MDGA2: variants seen among roughly 807,000 people sequenced by gnomAD.
MDGA2 encodes MAM domain containing glycosylphosphatidylinositol anchor 2.
Under a neutral mutation model 117.8 loss-of-function variants are expected in MDGA2, and 40 were observed. That is an observed-to-expected ratio of 0.34 (90% CI 0.26 to 0.44). The LOEUF (loss-of-function observed/expected upper bound fraction) is 0.44. Ranked by LOEUF, MDGA2 falls within the 20% of genes least tolerant of loss-of-function variation. The pLI, the probability that MDGA2 is intolerant of heterozygous loss-of-function variation, is 1.00. For missense variants in MDGA2, 1,123 were observed against 1,250.6 expected, an observed-to-expected ratio of 0.90 and a Z score of 1.54; for synonymous variants, 452 against 439.0, an observed-to-expected ratio of 1.03 and a Z score of -0.37.
At chr14:47,181,463 C>A (rs1884702946) in intron 3 of MDGA2, among the ~76,000 whole-genome samples, 1 of 149,796 alleles carries the variant, frequency 6.7e-6, no homozygotes, top group Admixed American at 6.7e-5. Context: ...CAAATGAGAT[C>A]ATGTCCTTTG....
rs148631051 is a variant in MDGA2 at position 47,008,020 on chromosome 14, T to G, written c.1819+26991A>C. On this transcript the variant is annotated intron_variant, in intron 8 of 16. Coordinates refer to ENST00000399232, the MANE Select transcript of MDGA2 (RefSeq NM_001113498.3). ...ATTTGTTTCATTTGTGACCTTTATTTGTTTCTACAATTCTACTTTTGAGTT... is the reference window on the plus strand; with the variant it reads ...ATTTGTTTCATTTGTGACCTTTATTGGTTTCTACAATTCTACTTTTGAGTT... 9.1e-3 allele frequency among the ~76,000 whole-genome samples: 1,384 copies of G among 151,968 alleles called. 7 individuals are homozygous for G. Among genetic ancestry groups the G allele is most frequent in the Non-Finnish European group, 0.016 (1,090 of 67,844 alleles).
intron 1 of MDGA2, among the ~76,000 whole-genome samples, chr14:47,607,575 T>G (rs1896764212): frequency 6.6e-6 from 1 of 152,160 alleles, no homozygotes; most frequent in Admixed American, 6.6e-5. Context: ...GCAGCAGTTT[T>G]GGTTCATAAC....
chr14:47,159,390 C>T (rs1489176903), intron 3 of MDGA2, among the ~76,000 whole-genome samples: 1 of 152,126 alleles, frequency 6.6e-6, no homozygotes, highest in Non-Finnish European at 1.5e-5. Flanking sequence ...CTAATCCTCC[C>T]CACCCTTTTA....
chr14:47,025,486 C>T (rs912622720), intron 8 of MDGA2, among the ~76,000 whole-genome samples: 1 of 152,022 alleles, frequency 6.6e-6, no homozygotes, highest in African/African-American at 2.4e-5. Context: ...AGTTCCCATC[C>T]CCAAATTATG....
At chr14:47,489,870 C>G (rs1894133819) in intron 1 of MDGA2, among the ~76,000 whole-genome samples, 2 of 152,136 alleles carry the variant, frequency 1.3e-5, no homozygotes, top group South Asian at 4.1e-4. Context: ...AACTAATCAT[C>G]AGCATTCCTT....
At chr14:47,206,015 A>G (rs1885669409) in intron 3 of MDGA2, among the ~76,000 whole-genome samples, 1 of 152,060 alleles carries the variant, frequency 6.6e-6, no homozygotes, top group African/African-American at 2.4e-5. Context: ...ATTCAAAAAC[A>G]TTGTTTTGCA....
At chr14:47,146,609 TGATTC>T (rs1882954678) in intron 3 of MDGA2, among the ~76,000 whole-genome samples, 1 of 152,222 alleles carries the variant, frequency 6.6e-6, no homozygotes, top group Non-Finnish European at 1.5e-5. Context: ...AAAGATACTC[TGATTC>T]AATTGTAAAC....
intron 10 of MDGA2, among the ~76,000 whole-genome samples, chr14:46,894,847 A>AT (rs1443810885): frequency 6.6e-6 from 1 of 152,218 alleles, no homozygotes; most frequent in Non-Finnish European, 1.5e-5. Flanking sequence ...TTACTATGAA[A>AT]GAAAAACTTG....
At chr14:47,233,294 A>G (rs1886750566) in intron 2 of MDGA2, among the ~76,000 whole-genome samples, 1 of 152,170 alleles carries the variant, frequency 6.6e-6, no homozygotes, top group African/African-American at 2.4e-5. Context: ...CTGCATATAA[A>G]ACACTAAACT....
intron 9 of MDGA2, among the ~76,000 whole-genome samples, chr14:46,957,053 C>G (rs1473097003): frequency 6.6e-6 from 1 of 152,052 alleles, no homozygotes; most frequent in African/African-American, 2.4e-5. Flanking sequence ...TCAGTTAAAC[C>G]TCTTTTCTTC....
chr14:47,360,423 G>A (rs941062338), intron 1 of MDGA2, among the ~76,000 whole-genome samples: 1 of 150,838 alleles, frequency 6.6e-6, no homozygotes, highest in Non-Finnish European at 1.5e-5. Flanking sequence ...GATGTGCAAA[G>A]GATCTGAATA....
intron 2 of MDGA2, among the ~76,000 whole-genome samples, chr14:47,280,377 C>G (rs900995024): frequency 7.4e-6 from 1 of 134,736 alleles, no homozygotes; most frequent in African/African-American, 2.7e-5. Flanking sequence ...TATCTCATTA[C>G]TCAAACAAAA....
intron 1 of MDGA2, among the ~76,000 whole-genome samples, chr14:47,541,441 T>G (rs146536949): frequency 6.6e-6 from 1 of 152,330 alleles, no homozygotes; most frequent in Non-Finnish European, 1.5e-5. Context: ...AATTCCTCGT[T>G]TGGTTTCTAA....
At chr14:47,244,271 A>C (rs1190673179) in intron 2 of MDGA2, among the ~76,000 whole-genome samples, 1 of 151,892 alleles carries the variant, frequency 6.6e-6, no homozygotes, top group Admixed American at 6.6e-5. Context: ...AATTAATTTT[A>C]AAGTATTTAA....
At chr14:46,857,991 T>G (rs1881340798) in intron 14 of MDGA2, among the ~76,000 whole-genome samples, 1 of 151,978 alleles carries the variant, frequency 6.6e-6, no homozygotes, top group Admixed American at 6.6e-5. Context: ...ACATGTCTCT[T>G]TCCTCTCTTT....
At chr14:47,408,517 T>C (rs1199875261) in intron 1 of MDGA2, among the ~76,000 whole-genome samples, 3 of 152,172 alleles carry the variant, frequency 2.0e-5, no homozygotes, top group Non-Finnish European at 4.4e-5. Flanking sequence ...CTCTGAGATG[T>C]AGGGATCCAC....
chr14:47,370,312 T>TAA lies in MDGA2; in HGVS notation c.281-68764_281-68763dup, dbSNP rs5808391. ...TACTGCAGAAAAACAATGCTTTGAA[T>TAA]AAAAAAAAAAGCAGATTAAGAGAAA... On this transcript the variant is annotated intron_variant, in intron 1 of 16. Coordinates refer to ENST00000399232, the MANE Select transcript of MDGA2 (RefSeq NM_001113498.3). Among the ~76,000 whole-genome samples, 90 of 144,722 alleles carry TAA rather than the reference T, an allele frequency of 6.2e-4. 2 individuals are homozygous for TAA. The highest frequency in any genetic ancestry group is 3.6e-3 in the Middle Eastern group (1 of 278). The allele number at this position is 144,722 out of a possible 152,430, so 94.9% of individuals were successfully genotyped here.
intron 1 of MDGA2, among the ~76,000 whole-genome samples, chr14:47,485,970 A>G (rs1894052130): frequency 6.6e-6 from 1 of 152,184 alleles, no homozygotes; most frequent in South Asian, 2.1e-4. Context: ...AGGGAAATGT[A>G]AAGTTGGAGC....
At chr14:47,023,699 GA>G (rs928045600) in intron 8 of MDGA2, among the ~76,000 whole-genome samples, 1 of 151,966 alleles carries the variant, frequency 6.6e-6, no homozygotes, top group Non-Finnish European at 1.5e-5. Flanking sequence ...TTCAAGAGGA[GA>G]AAAAAATAAT....
Sources: allele counts gnomAD v4.1 joint callset (sites outside exome capture counted in the v4.1 genomes callset), GRCh38; gene constraint gnomAD v4.1.1; transcripts MANE v1.5; gene names NCBI Gene and HGNC (gene_info 2026-07-23, HGNC 2026-07-21).